Variants in ALG9 observed in about 807,000 individuals in gnomAD.
The protein encoded by ALG9 is alpha-1,2-mannosyltransferase ALG9.
Under a neutral mutation model 81.8 loss-of-function variants are expected in ALG9, and 55 were observed. The ratio of observed to expected loss-of-function variants is 0.67; its 90% CI spans 0.54 to 0.84. ALG9 has a LOEUF of 0.84. Ranked by LOEUF, ALG9 falls within the 40% of genes least tolerant of loss-of-function variation. The probability of loss-of-function intolerance (pLI) is 0.00; values close to 1 mark genes in which losing one functional copy is unlikely to be tolerated. For synonymous variants in ALG9, 278 were observed against 274.3 expected, an observed-to-expected ratio of 1.01 and a Z score of -0.13; for missense variants, 629 against 745.0, an observed-to-expected ratio of 0.84 and a Z score of 1.81.
intron 12 of ALG9, chr11:111,836,815 G>A (rs373485641): frequency 5.7e-6 from 1 of 175,622 alleles, no homozygotes; most frequent in South Asian, 1.3e-4. Flanking sequence ...GACTGACACA[G>A]GGTCTTTATG....
At chr11:111,807,171 G>C (rs1327974544) in intron 14 of ALG9, among the ~76,000 whole-genome samples, 8 of 152,132 alleles carry the variant, frequency 5.3e-5, no homozygotes, top group Admixed American at 6.5e-5. Flanking sequence ...GTTATATCAA[G>C]TCTCTGCTCA....
intron 14 of ALG9, among the ~76,000 whole-genome samples, chr11:111,807,553 T>A (rs648935): frequency 1.3e-5 from 2 of 152,238 alleles, no homozygotes; most frequent in Admixed American, 6.5e-5. Flanking sequence ...TCTAATATAC[T>A]ATATAACTTA....
intron 14 of ALG9, among the ~76,000 whole-genome samples, chr11:111,800,563 T>C (rs1164512345): frequency 4.0e-5 from 6 of 151,806 alleles, no homozygotes; most frequent in African/African-American, 1.5e-4. Flanking sequence ...TACTTTCTGA[T>C]CTCCAAACCT....
In ALG9 at chr11:111,786,417, T is replaced by C. The variant is rs1487614259; in HGVS notation, c.1837A>G (p.Arg613Gly). The C allele has an allele frequency of 1.9e-6, 3 of 1,614,078 alleles. No individual in the cohort carries two copies. In the African/African-American group the frequency reaches 4.0e-5, roughly 22 times the overall value. Residue 613 changes from arginine to glycine, a missense_variant, in exon 15 of 15, where the codon AGG (arginine) becomes GGG (glycine). Coordinates refer to ENST00000616540, the MANE Select transcript of ALG9 (RefSeq NM_024740.2). Reference sequence around the variant, plus strand: ...TGTTGCTAACCTCCACTTTTCTTCCTGATTTGCTTTGCTTTCCGGGGTTTG... The same window carrying C: ...TGTTGCTAACCTCCACTTTTCTTCCCGATTTGCTTTGCTTTCCGGGGTTTG... ...ILKPRKAKQI[R>G]KKSGG
At chr11:111,799,793 T>TGCAAATTA (rs1948841079) in intron 14 of ALG9, among the ~76,000 whole-genome samples, 1 of 152,220 alleles carries the variant, frequency 6.6e-6, no homozygotes. Flanking sequence ...ATAGATTACC[T>TGCAAATTA]TACATAAAAG....
Position 111,840,697 on chromosome 11 carries a change from T to A in ALG9, c.1131A>T (p.Pro377=), listed in dbSNP as rs1956086951. 1.9e-6 allele frequency: 3 copies of A among 1,610,808 alleles called. No individual in the cohort carries two copies. The highest frequency in any genetic ancestry group is 1.1e-5 in the South Asian group (1 of 90,852). The change falls in exon 10 of 15, where the codon CCA becomes CCT. Residue 377 remains proline, a synonymous_variant. Coordinates refer to ENST00000616540, the MANE Select transcript of ALG9 (RefSeq NM_024740.2). The part of the protein sequence containing the change: ...KEERFLFPVY[P]LICLCGAVAL... ...CCACAGCGCCACAGAGACATATAAG[T>A]GGATACACAGGGAAAAGAAATCTCT...
intron 14 of ALG9, chr11:111,805,081 T>C: frequency 6.0e-6 from 2 of 335,190 alleles, no homozygotes; most frequent in Non-Finnish European, 1.2e-5. Flanking sequence ...TATGTTGAAG[T>C]CTAAACACTC....
At chr11:111,833,961 A>G (rs551679707) in intron 13 of ALG9, among the ~76,000 whole-genome samples, 1 of 152,374 alleles carries the variant, frequency 6.6e-6, no homozygotes, top group South Asian at 2.1e-4. Flanking sequence ...CATCATTACC[A>G]CAATGACGAT....
chr11:111,837,177 C>T (rs1019911670), intron 12 of ALG9, among the ~76,000 whole-genome samples: 3 of 152,112 alleles, frequency 2.0e-5, no homozygotes, highest in Non-Finnish European at 4.4e-5. Context: ...TGAATCCCCA[C>T]GAAGAGCCAC....
At chr11:111,849,068 T>C (rs1415115537) in intron 8 of ALG9, among the ~76,000 whole-genome samples, 1 of 151,898 alleles carries the variant, frequency 6.6e-6, no homozygotes, top group Non-Finnish European at 1.5e-5. Context: ...TTTTTTTTTT[T>C]GAGACAGGGT....
rs1407293498 is a variant in ALG9 at position 111,785,662 on chromosome 11, C to CA, written c.*734dup. The stretch of plus-strand genomic sequence containing the variant: ...TCTTCACATGGAGGAGTCTAGAATT[C>CA]AAAAAATAGCATGCTAAAACTGAAC... On this transcript the variant is annotated 3_prime_UTR_variant, in exon 15 of 15. Transcript: ENST00000616540. 1 of 182,214 alleles carries CA rather than the reference C, an allele frequency of 5.5e-6. No individual in the cohort carries two copies. The highest frequency in any genetic ancestry group is 1.2e-5 in the Non-Finnish European group (1 of 86,028). 11.3% of individuals were successfully genotyped at this position (182,214 alleles called of 1,614,324 possible).
rs17113305 is a variant in ALG9, at chr11:111,844,876, C to T, written c.896-153G>A. ...AGCCCACTCTTCCCATGCTAAGCTA[C>T]ACAAAAGAAGCACAAGAGCGAGATG... On this transcript the variant is annotated intron_variant, in intron 8 of 14. Transcript: ENST00000616540. 5.4e-3 allele frequency among the ~76,000 whole-genome samples: 825 copies of T among 152,178 alleles called. 3 individuals carry two copies. The highest frequency in any genetic ancestry group is 0.019 in the African/African-American group (773 of 41,514).
At chr11:111,803,625 A>C (rs1949481927) in intron 14 of ALG9, among the ~76,000 whole-genome samples, 1 of 152,278 alleles carries the variant, frequency 6.6e-6, no homozygotes, top group Admixed American at 6.5e-5. Flanking sequence ...TAGGTCAGTG[A>C]AACAGAATAG....
chr11:111,794,385 G>C (rs900370229), intron 14 of ALG9, among the ~76,000 whole-genome samples: 1 of 152,208 alleles, frequency 6.6e-6, no homozygotes, highest in Non-Finnish European at 1.5e-5. Context: ...CTGGGTTCAA[G>C]TGATCCTCCC....
intron 13 of ALG9, among the ~76,000 whole-genome samples, chr11:111,815,159 C>T (rs1278542094): frequency 6.6e-6 from 1 of 152,154 alleles, no homozygotes. Flanking sequence ...CATCCCTAAG[C>T]AAATTCCATT....
chr11:111,796,674 G>C (rs1206899759), intron 14 of ALG9, among the ~76,000 whole-genome samples: 2 of 152,096 alleles, frequency 1.3e-5, no homozygotes, highest in Non-Finnish European at 2.9e-5. Context: ...ATATGAGGAG[G>C]AAAAGCCAAA....
At position 111,837,471 on chromosome 11, in the gene ALG9, T is replaced by C. The variant is rs782435446; in HGVS notation, c.1469A>G (p.Asp490Gly). 11 of 1,614,112 alleles carry C rather than the reference T, an allele frequency of 6.8e-6. No individual in the cohort carries two copies. Among genetic ancestry groups the C allele is most frequent in the Non-Finnish European group, 9.3e-6 (11 of 1,180,034 alleles). Residue 490 changes from aspartate to glycine, a missense_variant, in exon 12 of 15, where the codon GAC becomes GGC. Coordinates refer to ENST00000616540, the MANE Select transcript of ALG9 (RefSeq NM_024740.2). The stretch of plus-strand genomic sequence containing the variant: ...TAGGAATTAAAGGACAACTTACTTG[T>C]CAGGAAGAAGGAAGCTGCTGGGAAA... ...YRFPSSFLLP[D>G]NWQLQFIPSE...
chr11:111,785,706 T>G lies in ALG9; in HGVS notation c.*691A>C. On this transcript the variant is annotated 3_prime_UTR_variant, in exon 15 of 15. Coordinates refer to ENST00000616540, the MANE Select transcript of ALG9 (RefSeq NM_024740.2). ...ACTGAACAAAAAAGCAATACAACCTTATAGTTACAGTTGGTTGTAAAGGAA... is the reference window on the plus strand; with the variant it reads ...ACTGAACAAAAAAGCAATACAACCTGATAGTTACAGTTGGTTGTAAAGGAA... 1 of 226,226 alleles carries G rather than the reference T, an allele frequency of 4.4e-6. No individual in the cohort carries two copies. The highest frequency in any genetic ancestry group is 8.9e-6 in the Non-Finnish European group (1 of 112,172). The allele number at this position is 226,226 out of a possible 1,614,324, so 14.0% of individuals were successfully genotyped here.
chr11:111,831,415 T>C (rs879953924), intron 13 of ALG9, among the ~76,000 whole-genome samples: 12 of 152,130 alleles, frequency 7.9e-5, no homozygotes, highest in Non-Finnish European at 1.6e-4. Context: ...GGAAGATCGA[T>C]TGAGCCCAGG....
Sources: gnomAD v4.1 joint callset for allele counts (sites outside exome capture counted in the v4.1 genomes callset) on GRCh38, gnomAD v4.1.1 for gene constraint, MANE v1.5 for transcripts, NCBI Gene and HGNC (gene_info 2026-07-23, HGNC 2026-07-21) for gene names.